Variants in TAF4B observed in about 807,000 individuals in gnomAD.
TAF4B encodes the protein TATA-box binding protein associated factor 4b.
Under a neutral mutation model 86.4 loss-of-function variants are expected in TAF4B, and 38 were observed. The observed-to-expected ratio is 0.44, with a 90% CI of 0.34 to 0.58. The LOEUF is 0.58. Ranked by LOEUF, TAF4B falls within the 20% of genes least tolerant of loss-of-function variation. TAF4B has a pLI of 0.02. For synonymous variants in TAF4B, 388 were observed against 391.2 expected, an observed-to-expected ratio of 0.99 and a Z score of 0.10; for missense variants, 988 against 1,027.6, an observed-to-expected ratio of 0.96 and a Z score of 0.53.
intron 12 of TAF4B, among the ~76,000 whole-genome samples, chr18:26,334,167 A>T (rs556824286): frequency 6.6e-6 from 1 of 152,164 alleles, no homozygotes; most frequent in Non-Finnish European, 1.5e-5. Flanking sequence ...GAAAAATTTT[A>T]CCAGCTTTGG....
chr18:26,315,118 C>CTCTA, intron 9 of TAF4B, 111 bp from the exon 10 acceptor site: 1 of 275,178 alleles, frequency 3.6e-6, no homozygotes, highest in Non-Finnish European at 5.6e-6. Flanking sequence ...CTCTCTCTCT[C>CTCTA]TCTCTCTCTC....
chr18:26,234,203 A>G (rs1384129137), intron 1 of TAF4B, among the ~76,000 whole-genome samples: 2 of 152,202 alleles, frequency 1.3e-5, no homozygotes, highest in East Asian at 3.8e-4. Context: ...CTCCATAGGT[A>G]TTCCTAATGG....
At position 26,285,930 on chromosome 18, in the gene TAF4B, A is replaced by T; in HGVS notation, c.1021A>T (p.Ile341Phe). 6.2e-7 allele frequency: 1 copy of T among 1,613,982 alleles called. No individual in the cohort carries two copies. The highest frequency in any genetic ancestry group is 8.5e-7 in the Non-Finnish European group (1 of 1,179,960). ...RQLLPNSQSF[I>F]QQCVQQTSSD... ...ACTTCTGCCTAACTCCCAGAGCTTCATCCAGCAATGTGTTCAGCAGACTTC... is the reference window on the plus strand; with the variant it reads ...ACTTCTGCCTAACTCCCAGAGCTTCTTCCAGCAATGTGTTCAGCAGACTTC... The change falls in exon 7 of 15, where the codon ATC becomes TTC. Residue 341 changes from isoleucine (I) to phenylalanine (F), a missense_variant. Ile to Phe is a conservative substitution (Grantham distance 21). Coordinates refer to ENST00000269142, the MANE Select transcript of TAF4B (RefSeq NM_005640.3).
At chr18:26,292,478 G>A (rs2056605346) in intron 8 of TAF4B, 97 bp downstream of exon 8, 23 of 1,348,992 alleles carry the variant, frequency 1.7e-5, no homozygotes, top group Non-Finnish European at 2.2e-5. Context: ...AGAGAGGTTT[G>A]GTCTTTTAAA....
intron 10 of TAF4B, among the ~76,000 whole-genome samples, chr18:26,319,791 TGTTA>T (rs1451592954): frequency 6.6e-6 from 1 of 152,122 alleles, no homozygotes. Flanking sequence ...GGTTTCACCG[TGTTA>T]GTCAGGCTGG....
At chr18:26,259,374 T>A (rs2056131832) in intron 1 of TAF4B, among the ~76,000 whole-genome samples, 1 of 152,072 alleles carries the variant, frequency 6.6e-6, no homozygotes, top group Non-Finnish European at 1.5e-5. Context: ...CATGTTGGTG[T>A]GCTGCACCCA....
rs758533457 is a variant in TAF4B, at chr18:26,293,544, ATAGT to A, written c.1832+16_1832+19del. The A allele has an allele frequency of 1.3e-6, 2 of 1,530,776 alleles. No individual in the cohort carries two copies. Among genetic ancestry groups the A allele is most frequent in the South Asian group, 2.5e-5 (2 of 79,826 alleles). The allele number at this position is 1,530,776 out of a possible 1,614,324, so 94.8% of individuals were successfully genotyped here. ...CATCATGCTTCCGGTAAGAAAATAAATAGTTAAATTTGGTTTAAGGAAGTAATTT... is the reference window on the plus strand; with the variant it reads ...CATCATGCTTCCGGTAAGAAAATAAATAAATTTGGTTTAAGGAAGTAATTT... On this transcript the variant is annotated intron_variant, in intron 9 of 14. Transcript: ENST00000269142.
chr18:26,258,864 A>ATTTT (rs369237752), intron 1 of TAF4B, among the ~76,000 whole-genome samples: 1 of 134,634 alleles, frequency 7.4e-6, no homozygotes, highest in African/African-American at 2.7e-5. Flanking sequence ...GCTACTTTTA[A>ATTTT]TTTTTTTTTT....
intron 9 of TAF4B, among the ~76,000 whole-genome samples, chr18:26,293,843 A>G (rs1192368559): frequency 2.0e-5 from 3 of 152,164 alleles, no homozygotes; most frequent in African/African-American, 7.2e-5. Flanking sequence ...TCTTACGTCC[A>G]TCACGATAGA....
At chr18:26,261,280 A>C (rs1483236725) in intron 1 of TAF4B, among the ~76,000 whole-genome samples, 1 of 141,454 alleles carries the variant, frequency 7.1e-6, no homozygotes, top group Non-Finnish European at 1.5e-5. Flanking sequence ...GGCTCACTGC[A>C]AGCTCCGCCT....
At chr18:26,367,187 TA>T (rs2057377892) in intron 14 of TAF4B, among the ~76,000 whole-genome samples, 1 of 152,208 alleles carries the variant, frequency 6.6e-6, no homozygotes, top group Non-Finnish European at 1.5e-5. Flanking sequence ...ACAGGGATAT[TA>T]AAAATGAGAA....
chr18:26,304,221 A>G (rs1269378152), intron 9 of TAF4B, among the ~76,000 whole-genome samples: 1 of 137,202 alleles, frequency 7.3e-6, no homozygotes, highest in African/African-American at 2.7e-5. Context: ...TTGGGTGTTC[A>G]TATAAAATAT....
At chr18:26,276,156 C>G (rs956085795) in intron 5 of TAF4B, among the ~76,000 whole-genome samples, 2 of 152,046 alleles carry the variant, frequency 1.3e-5, no homozygotes, top group Admixed American at 6.6e-5. Context: ...AGTTAATGCT[C>G]TTAGGCCTCA....
intron 14 of TAF4B, among the ~76,000 whole-genome samples, chr18:26,368,616 ATTTATTGTCATCTAACTCTTTTT>A (rs2057386528): frequency 6.6e-6 from 1 of 152,132 alleles, no homozygotes; most frequent in Non-Finnish European, 1.5e-5. Context: ...GTTTAAACAG[ATTTATTGTCATCTAACTCTTTTT>A]ATAAATGTAT....
chr18:26,309,948 C>T (rs1419888828), intron 9 of TAF4B, among the ~76,000 whole-genome samples: 1 of 152,170 alleles, frequency 6.6e-6, no homozygotes, highest in African/African-American at 2.4e-5. Context: ...CCTCAGCCTC[C>T]CGAGTAGCTG....
In TAF4B at chr18:26,367,829, C is replaced by G. The variant is rs115479415; in HGVS notation, c.2421+10035C>G. ...ACAGGATTGATTTCTAGAAGTGGAA[C>G]TTTTGGGTCCATGGACATGCACAAA... On this transcript the variant is annotated intron_variant, in intron 14 of 14. Coordinates refer to ENST00000269142, the MANE Select transcript of TAF4B (RefSeq NM_005640.3). 8.6e-3 allele frequency among the ~76,000 whole-genome samples: 1,306 copies of G among 152,290 alleles called. 19 individuals are homozygous for G. The highest frequency in any genetic ancestry group is 0.03 in the African/African-American group (1,250 of 41,556).
In TAF4B at chr18:26,327,400, G is replaced by A. The variant is rs114474548; in HGVS notation, c.2259+260G>A. Among the ~76,000 whole-genome samples, 1,489 of 152,230 alleles carry A rather than the reference G, an allele frequency of 9.8e-3. 12 individuals carry two copies. The highest frequency in any genetic ancestry group is 0.033 in the African/African-American group (1,383 of 41,536). On this transcript the variant is annotated intron_variant, in intron 12 of 14. Transcript: ENST00000269142. ...TCCTCAAACCCAGGTAAAATGTTTC[G>A]TAAAATTTCAGGGTCTTTTTAGGAA...
At chr18:26,228,989 T>C (rs1172954518) in intron 1 of TAF4B, among the ~76,000 whole-genome samples, 3 of 151,924 alleles carry the variant, frequency 2.0e-5, no homozygotes, top group Non-Finnish European at 4.4e-5. Context: ...CCCATAGGTG[T>C]CGGGGGAGTT....
intron 2 of TAF4B, 82 bp downstream of exon 2, chr18:26,265,397 T>C: frequency 7.2e-7 from 1 of 1,394,048 alleles, no homozygotes; most frequent in Admixed American, 2.6e-5. Flanking sequence ...TGTTTGCTAG[T>C]AAAAAATAAT....
Sources: gnomAD v4.1 joint callset for allele counts (sites outside exome capture counted in the v4.1 genomes callset) on GRCh38, gnomAD v4.1.1 for gene constraint, MANE v1.5 for transcripts, NCBI Gene and HGNC (gene_info 2026-07-23, HGNC 2026-07-21) for gene names.